RNF220: variants seen among roughly 807,000 people sequenced by gnomAD.
RNF220 encodes the protein ring finger protein 220.
In RNF220, 7 loss-of-function variants were observed where a neutral mutation model predicts 67.1. That is an observed-to-expected ratio of 0.10 (90% CI 0.06 to 0.20). The LOEUF (loss-of-function observed/expected upper bound fraction) is 0.20, where lower values mean the gene tolerates loss of function less well. RNF220 is among the 10% of genes least tolerant of loss of function. The probability of loss-of-function intolerance (pLI) is 1.00; values close to 1 mark genes in which losing one functional copy is unlikely to be tolerated. For synonymous variants in RNF220, 270 were observed against 283.2 expected (o/e 0.95, Z 0.47); for missense variants, 565 against 740.3 (o/e 0.76, Z 2.75).
chr1:44,421,057 C>T (rs1165720270), intron 2 of RNF220, among the ~76,000 whole-genome samples: 2 of 152,190 alleles, frequency 1.3e-5, no homozygotes, highest in Admixed American at 6.5e-5. Context: ...TGGCCAGCTG[C>T]TTCTCCTCCC....
intron 2 of RNF220, among the ~76,000 whole-genome samples, chr1:44,450,534 G>A (rs61769116): frequency 0.025 from 3,880 of 152,208 alleles, 93 homozygotes; most frequent in Non-Finnish European, 0.039. Context: ...TATTTATGTA[G>A]ATAGAAATAT....
rs1467001825 is a variant in RNF220 at position 44,624,350 on chromosome 1, G to C, written c.804+1563G>C. ...GGACTTGGACATCAGTGAGGCCTGT[G>C]TTCTAAGGACAAACCCCTGGCAGAC... On this transcript the variant is annotated intron_variant, in intron 4 of 14. Transcript: ENST00000361799. This position sits in a 1 kb window ranked among gnomAD's most constrained non-coding sequence, Gnocchi z 4.2. 6.6e-6 allele frequency among the ~76,000 whole-genome samples: 1 copy of C among 152,182 alleles called. No homozygotes were observed. The highest frequency in any genetic ancestry group is 1.5e-5 in the Non-Finnish European group (1 of 68,038).
chr1:44,528,760 A>T (rs1660604724), intron 2 of RNF220, among the ~76,000 whole-genome samples: 2 of 151,800 alleles, frequency 1.3e-5, no homozygotes, highest in African/African-American at 4.8e-5. Flanking sequence ...GATTACAGGC[A>T]TGTGCCACCA....
At chr1:44,421,263 A>G (rs1244153481) in intron 2 of RNF220, among the ~76,000 whole-genome samples, 3 of 152,144 alleles carry the variant, frequency 2.0e-5, no homozygotes, top group South Asian at 2.1e-4. Flanking sequence ...TCTTATTCTG[A>G]AATTTTATAT....
At position 44,417,603 on chromosome 1, in the gene RNF220, A is replaced by C. The variant is rs1325726429; in HGVS notation, c.625+4881A>C. The stretch of plus-strand genomic sequence containing the variant: ...AATGCCTAATCACCATGGTGAGAAA[A>C]CGGACACCGCAGCCGTCCTCCCTCC... On this transcript the variant is annotated intron_variant, in intron 2 of 14. Coordinates refer to ENST00000361799, the MANE Select transcript of RNF220 (RefSeq NM_018150.4). This position sits in a 1 kb window ranked among gnomAD's most constrained non-coding sequence, Gnocchi z 4.0. Among the ~76,000 whole-genome samples the C allele has an allele frequency of 1.3e-5, 2 of 152,088 alleles. No individual in the cohort carries two copies. Among genetic ancestry groups the C allele is most frequent in the Non-Finnish European group, 2.9e-5 (2 of 68,002 alleles).
Position 44,622,249 on chromosome 1 carries a change from C to T in RNF220, c.759-493C>T, listed in dbSNP as rs1489700387. On this transcript the variant is annotated intron_variant, in intron 3 of 14. Transcript: ENST00000361799. This position sits in a 1 kb window ranked among gnomAD's most constrained non-coding sequence, Gnocchi z 4.3. ...CCCGCCTGCCTGCCGCGCCCGATGC[C>T]GGAGGGCCTGGGGCTGACAAATTGA... 1.3e-5 allele frequency among the ~76,000 whole-genome samples: 2 copies of T among 152,192 alleles called. No homozygotes were observed. Among genetic ancestry groups the T allele is most frequent in the Non-Finnish European group, 2.9e-5 (2 of 68,024 alleles).
chr1:44,462,241 A>T (rs1653849719), intron 2 of RNF220, among the ~76,000 whole-genome samples: 1 of 151,528 alleles, frequency 6.6e-6, no homozygotes. Context: ...ACATATATAT[A>T]TTTTTTAATG....
intron 2 of RNF220, among the ~76,000 whole-genome samples, chr1:44,478,673 G>T (rs1011278897): frequency 6.6e-6 from 1 of 152,164 alleles, no homozygotes; most frequent in Non-Finnish European, 1.5e-5. Context: ...AGCAAGGTGA[G>T]ATCATGCCAC....
chr1:44,607,924 ACTTTT>A (rs1667396292), intron 2 of RNF220, among the ~76,000 whole-genome samples: 1 of 112,288 alleles, frequency 8.9e-6, no homozygotes, highest in African/African-American at 3.6e-5. Flanking sequence ...AGTTCTGTGT[ACTTTT>A]TTTTTTTTTT....
chr1:44,474,387 TAATAATAATAATAATAA>T (rs1403878229), intron 2 of RNF220, among the ~76,000 whole-genome samples: 2 of 59,188 alleles, frequency 3.4e-5, no homozygotes, highest in East Asian at 1.3e-3. Flanking sequence ...AAAATAATAA[TAATAATAATAATAATAA>T]TAATAATAAT....
intron 5 of RNF220, among the ~76,000 whole-genome samples, chr1:44,629,076 G>A (rs2148465311): frequency 6.6e-6 from 1 of 152,358 alleles, no homozygotes; most frequent in South Asian, 2.1e-4. Flanking sequence ...CTCACCGCAT[G>A]TTTGGGAGAT....
At chr1:44,520,692 T>C (rs1659863512) in intron 2 of RNF220, among the ~76,000 whole-genome samples, 1 of 152,212 alleles carries the variant, frequency 6.6e-6, no homozygotes, top group Admixed American at 6.5e-5. Flanking sequence ...GGCTGCTATA[T>C]CATTCTGGAC....
At chr1:44,518,735 C>T (rs948831442) in intron 2 of RNF220, among the ~76,000 whole-genome samples, 1 of 151,900 alleles carries the variant, frequency 6.6e-6, no homozygotes, top group Non-Finnish European at 1.5e-5. Context: ...ATTAGCCAGG[C>T]GTGGTGGCGG....
intron 2 of RNF220, among the ~76,000 whole-genome samples, chr1:44,566,623 G>C (rs371960533): frequency 6.6e-6 from 1 of 152,194 alleles, no homozygotes; most frequent in African/African-American, 2.4e-5. Context: ...CAGACAAGTG[G>C]TATGGATCTG....
At chr1:44,438,059 A>G (rs569640384) in intron 2 of RNF220, among the ~76,000 whole-genome samples, 5 of 152,218 alleles carry the variant, frequency 3.3e-5, no homozygotes, top group Non-Finnish European at 4.4e-5. Context: ...AATCGTGTAT[A>G]CAAAGGATCA....
intron 2 of RNF220, among the ~76,000 whole-genome samples, chr1:44,515,252 G>A (rs1429155506): frequency 1.3e-5 from 2 of 152,194 alleles, no homozygotes; most frequent in African/African-American, 4.8e-5. Context: ...CACTGGGGAC[G>A]GGAGAAGGGT....
At chr1:44,538,882 C>G (rs1160763191) in intron 2 of RNF220, among the ~76,000 whole-genome samples, 1 of 142,884 alleles carries the variant, frequency 7.0e-6, no homozygotes, top group Non-Finnish European at 1.5e-5. Context: ...TGCCACTACA[C>G]TCCAGCCTGG....
intron 8 of RNF220, among the ~76,000 whole-genome samples, chr1:44,640,042 G>A (rs1319190177): frequency 7.2e-5 from 11 of 152,148 alleles, no homozygotes; most frequent in South Asian, 2.1e-4. Flanking sequence ...CACCCACCTC[G>A]GCCTCCCAAA....
chr1:44,428,142 G>A (rs949673745), intron 2 of RNF220, among the ~76,000 whole-genome samples: 5 of 152,122 alleles, frequency 3.3e-5, no homozygotes, highest in African/African-American at 1.2e-4. Context: ...TAAAATACCC[G>A]AAAAGGCACA....
Sources: allele counts gnomAD v4.1 joint callset (sites outside exome capture counted in the v4.1 genomes callset), GRCh38; gene constraint gnomAD v4.1.1; non-coding constraint Gnocchi (gnomAD v3.1); transcripts MANE v1.5; gene names NCBI Gene and HGNC (gene_info 2026-07-23, HGNC 2026-07-21).